INTS1: variants seen among roughly 807,000 people sequenced by gnomAD.
The protein encoded by INTS1 is integrator complex subunit 1.
INTS1 carries 137 observed loss-of-function variants against 241.6 expected under a neutral mutation model. The observed-to-expected ratio is 0.57, with a 90% CI of 0.49 to 0.65. The LOEUF is 0.65. Ranked by LOEUF, INTS1 falls within the 30% of genes least tolerant of loss-of-function variation. INTS1 has a pLI of 0.00. For missense variants in INTS1, 3,073 were observed against 3,032.2 expected (o/e 1.01, Z -0.32); for synonymous variants, 1,692 against 1,337.8 (o/e 1.26, Z -5.78).
chr7:1,493,178 G>A lies in INTS1; in HGVS notation c.2069-72C>T. Reference sequence around the variant, plus strand: ...TCAGGCACAGGCAGCGAGGGAACCGGCCCTGCTCGGGCCGCGTCGGGGTGG... The same window carrying A: ...TCAGGCACAGGCAGCGAGGGAACCGACCCTGCTCGGGCCGCGTCGGGGTGG... On this transcript the variant is annotated intron_variant, in intron 15 of 47. Transcript: ENST00000404767. This position sits in a 1 kb window ranked among gnomAD's most constrained non-coding sequence, Gnocchi z 5.3. 1 of 1,243,428 alleles carries A rather than the reference G, an allele frequency of 8.0e-7. No individual in the cohort carries two copies. The highest frequency in any genetic ancestry group is 1.2e-6 in the Non-Finnish European group (1 of 866,946). The allele number at this position is 1,243,428 out of a possible 1,614,324, so 77.0% of individuals were successfully genotyped here. A position where few individuals can be genotyped will look rare whatever the true frequency, so the allele number is the denominator to read the frequency against.
Position 1,487,112 on chromosome 7 carries a change from G to GA in INTS1, c.2647-12dup, listed in dbSNP as rs1782307930. On this transcript the variant is annotated splice_polypyrimidine_tract_variant and intron_variant, in intron 20 of 47. Coordinates refer to ENST00000404767, the MANE Select transcript of INTS1 (RefSeq NM_001080453.3). ...GGACTGCGAGGAGGCCTGGGCAGGC[G>GA]ACAGTGGCGCCCGCTCAGCACCTTC... 1 of 1,541,264 alleles carries GA rather than the reference G, an allele frequency of 6.5e-7. No individual in the cohort carries two copies. Among genetic ancestry groups the GA allele is most frequent in the African/African-American group, 1.4e-5 (1 of 73,108 alleles).
chr7:1,476,061 T>C lies in INTS1; in HGVS notation c.5389A>G (p.Arg1797Gly). The C allele has an allele frequency of 6.5e-7, 1 of 1,543,370 alleles. No homozygotes were observed. The highest frequency in any genetic ancestry group is 1.2e-5 in the South Asian group (1 of 83,980). Reference sequence around the variant, plus strand: ...TGCAGGAGAAGGTCTCGGCAGCGCCTGCCCAGCACGCTGGAAGAGGTGGAG... The same window carrying C: ...TGCAGGAGAAGGTCTCGGCAGCGCCCGCCCAGCACGCTGGAAGAGGTGGAG... Reference protein sequence around the residue: ...IQQWGDSVLGRRCRDLLLQLY... With the variant: ...IQQWGDSVLGGRCRDLLLQLY... The change falls in exon 39 of 48, where the codon AGG becomes GGG. Residue 1797 changes from arginine to glycine, a missense_variant. Arg to Gly is a moderately radical substitution (Grantham distance 125, BLOSUM62 -2). Transcript: ENST00000404767.
At chr7:1,475,840 A>G in intron 39 of INTS1, 108 bp downstream of exon 39, 1 of 1,370,378 alleles carries the variant, frequency 7.3e-7, no homozygotes, top group East Asian at 2.5e-5. Flanking sequence ...GGGAAGGGGC[A>G]AGAGGGGTAG....
In INTS1 at chr7:1,500,371, C is replaced by A. The variant is rs1300097631; in HGVS notation, c.350-5G>T. The A allele has an allele frequency of 1.3e-6, 2 of 1,559,420 alleles. No individual in the cohort carries two copies. Among genetic ancestry groups the A allele is most frequent in the Non-Finnish European group, 1.7e-6 (2 of 1,150,594 alleles). On this transcript the variant is annotated splice_region_variant and splice_polypyrimidine_tract_variant and intron_variant, in intron 3 of 47. Transcript: ENST00000404767. ...CCAGCAGCACCGTGGGCAGCACTGG[C>A]CGGGGCAGGCGGTACGGTCAGAACG...
rs373325186 is a variant in INTS1, at chr7:1,493,717, G to C, written c.2068+37C>G. The C allele has an allele frequency of 1.5e-3, 2,316 of 1,547,142 alleles. 36 individuals are homozygous for C. In the South Asian group the frequency reaches 0.02, roughly 13 times the overall value. ...GGTTTCTGCAGGGACGAGGGGAGCA[G>C]ACCCAGCACAGGCGCCATCCCCTGC... On this transcript the variant is annotated intron_variant, in intron 15 of 47. Transcript: ENST00000404767. The surrounding 1 kb of genome is among the most constrained non-coding windows in gnomAD (Gnocchi z 5.3).
Position 1,490,099 on chromosome 7 carries a change from T to C in INTS1, c.2166-417A>G, listed in dbSNP as rs1261569281. On this transcript the variant is annotated intron_variant, in intron 16 of 47. Transcript: ENST00000404767. ...ATCCTGGCTATGAGACAGATGTGAA[T>C]CGAGGCACTGCCTGGAGCCACATGC... 8.6e-5 allele frequency among the ~76,000 whole-genome samples: 13 copies of C among 151,066 alleles called. No individual in the cohort carries two copies. The South Asian group carries it at 1.9e-3, about 22-fold the overall frequency.
At chr7:1,472,457 G>T in intron 43 of INTS1, 71 bp from the exon 44 acceptor site, 1 of 1,112,798 alleles carries the variant, frequency 9.0e-7, no homozygotes. Context: ...ACCAGGACCT[G>T]CCCTCCCGAG....
rs573774369 is a variant in INTS1, at chr7:1,480,893, G to T, written c.3891C>A (p.Gly1297=). 5 of 1,561,502 alleles carry T rather than the reference G, an allele frequency of 3.2e-6. No individual in the cohort carries two copies. Among genetic ancestry groups the T allele is most frequent in the South Asian group, 1.2e-5 (1 of 84,818 alleles). ...AGTGGAAAGTCTGGCCTCCGGAGGC[G>T]CCGCGCTCATGCTGGACCTCCACCA... The part of the protein sequence containing the change: ...AHLVEVQHER[G]ASGGQTFHSL... The change falls in exon 29 of 48, where the codon GGC becomes GGA. Residue 1297 remains glycine (G), a synonymous_variant. Coordinates refer to ENST00000404767, the MANE Select transcript of INTS1 (RefSeq NM_001080453.3).
At chr7:1,502,853 C>A (rs371290833) in intron 3 of INTS1, 48 bp downstream of exon 3, 2 of 1,597,504 alleles carry the variant, frequency 1.3e-6, no homozygotes, top group Non-Finnish European at 1.7e-6. Context: ...ACCTGATGGA[C>A]GGCATGAGCT....
Position 1,485,322 on chromosome 7 carries a change from C to G in INTS1, c.3124G>C (p.Val1042Leu). Residue 1042 changes from valine (V) to leucine (L), a missense_variant, in exon 23 of 48, where the codon GTC (valine) becomes CTC (leucine). Physicochemically the swap from Val to Leu is conservative, Grantham distance 32. Coordinates refer to ENST00000404767, the MANE Select transcript of INTS1 (RefSeq NM_001080453.3). ...AGGGCCAGGGCTGTGGTGCTCCTGA[C>G]GCTGTCGAACAGAGGCAGGCGAGGC... ...DLPRLPLFDSVRSTTALALQQ... is the reference protein window; with the variant it reads ...DLPRLPLFDSLRSTTALALQQ... The G allele has an allele frequency of 6.2e-7, 1 of 1,611,794 alleles. No individual in the cohort carries two copies. Among genetic ancestry groups the G allele is most frequent in the Non-Finnish European group, 8.5e-7 (1 of 1,179,748 alleles).
In INTS1 at chr7:1,485,125, C is replaced by T. The variant is rs1279907630; in HGVS notation, c.3234G>A (p.Glu1078=). The stretch of plus-strand genomic sequence containing the variant: ...GGGCCAGGTCGCTGTGCTGGGCCTG[C>T]TCCTCCACAGGCGTGTGCTGGGACA... ...IYLSQHTPVE[E]QAQHSDLALD... Residue 1078 remains glutamate, a synonymous_variant, in exon 24 of 48, where the codon GAG becomes GAA. Coordinates refer to ENST00000404767, the MANE Select transcript of INTS1 (RefSeq NM_001080453.3). 2 of 1,600,848 alleles carry T rather than the reference C, an allele frequency of 1.2e-6. No homozygotes were observed. Among genetic ancestry groups the T allele is most frequent in the African/African-American group, 2.7e-5 (2 of 74,920 alleles).
At chr7:1,504,241 G>A (rs1320242276) in intron 1 of INTS1, 82 bp downstream of exon 1, 2 of 562,292 alleles carry the variant, frequency 3.6e-6, no homozygotes, top group African/African-American at 2.0e-5. Context: ...CAGAAGGGAC[G>A]GCCCAGAGGC....
At chr7:1,474,055 C>G in intron 41 of INTS1, 113 bp downstream of exon 41, 5 of 1,271,240 alleles carry the variant, frequency 3.9e-6, no homozygotes, top group Non-Finnish European at 5.3e-6. Flanking sequence ...GTGGCCTGGC[C>G]TGGGCCCTGG....
intron 33 of INTS1, 75 bp from the exon 34 acceptor site, chr7:1,478,011 AG>A: frequency 8.0e-7 from 1 of 1,255,926 alleles, no homozygotes; most frequent in Non-Finnish European, 1.2e-6. Context: ...TGGGCTAGCC[AG>A]GGTGGGGTGT....
chr7:1,485,737 T>A (rs999097155), intron 22 of INTS1, among the ~76,000 whole-genome samples: 5 of 152,378 alleles, frequency 3.3e-5, no homozygotes, highest in Non-Finnish European at 5.9e-5. Flanking sequence ...CCTTCACGTT[T>A]CACTAGCGCA....
Position 1,479,459 on chromosome 7 carries a change from G to A in INTS1, c.4300C>T (p.Pro1434Ser). ...SMHRSHFLAC[P>S]LLRQLCQYQR... ...TACTGGCAGAGCTGGCGCAGCAGCG[G>A]GCAGGCCAGGAAGTGGCTACGGTGC... is the stretch of plus-strand genomic sequence containing the variant. Residue 1434 changes from proline (P) to serine (S), a missense_variant, in exon 31 of 48, where the codon CCG (proline) becomes TCG (serine). By Grantham distance (74) the Pro-to-Ser change is moderately conservative (BLOSUM62 -1). Transcript: ENST00000404767. The A allele has an allele frequency of 6.3e-7, 1 of 1,579,096 alleles. No individual in the cohort carries two copies. Among genetic ancestry groups the A allele is most frequent in the Non-Finnish European group, 8.6e-7 (1 of 1,163,580 alleles).
chr7:1,477,360 G>C (rs375477032), intron 35 of INTS1, among the ~76,000 whole-genome samples, 190 bp downstream of exon 35: 205 of 152,174 alleles, frequency 1.3e-3, no homozygotes, highest in Middle Eastern at 0.01. Context: ...CTGTGACCCT[G>C]GCCTGGGTTC....
At chr7:1,491,936 C>G (rs562406152) in intron 16 of INTS1, among the ~76,000 whole-genome samples, 1 of 152,126 alleles carries the variant, frequency 6.6e-6, no homozygotes, top group Non-Finnish European at 1.5e-5. Context: ...CCGAAACAAA[C>G]GTGAGATACC....
chr7:1,498,259 C>G, intron 10 of INTS1, 153 bp downstream of exon 10: 1 of 1,192,298 alleles, frequency 8.4e-7, no homozygotes, highest in Non-Finnish European at 1.2e-6. Flanking sequence ...CAACCTCATG[C>G]CCACGTGAGT....
Sources: allele counts gnomAD v4.1 joint callset (sites outside exome capture counted in the v4.1 genomes callset), GRCh38; gene constraint gnomAD v4.1.1; non-coding constraint Gnocchi (gnomAD v3.1); transcripts MANE v1.5; gene names NCBI Gene and HGNC (gene_info 2026-07-23, HGNC 2026-07-21).